LRBA: variants seen among roughly 807,000 people sequenced by gnomAD.
LRBA encodes lipopolysaccharide-responsive and beige-like anchor protein.
LRBA carries 176 observed loss-of-function variants against 330.0 expected under a neutral mutation model. The observed-to-expected ratio is 0.53, with a 90% confidence interval of 0.47 to 0.60. The LOEUF is 0.60. LRBA is among the 20% of genes least tolerant of loss of function. LRBA has a pLI of 0.00. For synonymous variants in LRBA, 1,230 were observed against 1,193.0 expected, an observed-to-expected ratio of 1.03 and a Z score of -0.64; for missense variants, 3,259 against 3,444.8, an observed-to-expected ratio of 0.95 and a Z score of 1.35.
At chr4:150,294,457 C>T (rs923425951) in intron 53 of LRBA, among the ~76,000 whole-genome samples, 3 of 152,258 alleles carry the variant, frequency 2.0e-5, no homozygotes, top group Admixed American at 6.5e-5. Context: ...TTCCATAATT[C>T]TAGTAAGGAG....
intron 40 of LRBA, among the ~76,000 whole-genome samples, chr4:150,546,736 A>G (rs1379890224): frequency 6.6e-6 from 1 of 152,216 alleles, no homozygotes; most frequent in Admixed American, 6.5e-5. Context: ...AATTGTTTTA[A>G]AAAATGACGA....
chr4:150,871,720 T>C (rs1358975952), intron 18 of LRBA, among the ~76,000 whole-genome samples: 1 of 151,620 alleles, frequency 6.6e-6, no homozygotes, highest in Non-Finnish European at 1.5e-5. Flanking sequence ...AAAAACCTCC[T>C]CCAAAATCTT....
chr4:150,900,973 A>G (rs570428232), intron 13 of LRBA, among the ~76,000 whole-genome samples: 179 of 152,236 alleles, frequency 1.2e-3, no homozygotes, highest in Non-Finnish European at 1.8e-3. Context: ...GAAATAATAC[A>G]AGTGCTACCC....
At chr4:150,874,140 C>T (rs1380861126) in intron 17 of LRBA, among the ~76,000 whole-genome samples, 1 of 152,088 alleles carries the variant, frequency 6.6e-6, no homozygotes, top group Non-Finnish European at 1.5e-5. Flanking sequence ...GATTTGAGGG[C>T]TTTAGCATTT....
intron 36 of LRBA, among the ~76,000 whole-genome samples, chr4:150,725,101 C>A (rs992790760): frequency 1.3e-4 from 20 of 151,600 alleles, no homozygotes; most frequent in African/African-American, 4.8e-4. Flanking sequence ...AGCATGCCTA[C>A]AAAATCAGAA....
At chr4:150,802,512 G>C (rs1250229278) in intron 33 of LRBA, among the ~76,000 whole-genome samples, 1 of 151,750 alleles carries the variant, frequency 6.6e-6, no homozygotes, top group Non-Finnish European at 1.5e-5. Context: ...ATAATTGTAA[G>C]ACATAATTTA....
intron 29 of LRBA, 47 bp downstream of exon 29, chr4:150,831,770 A>T: frequency 7.0e-7 from 1 of 1,423,612 alleles, no homozygotes; most frequent in East Asian, 2.5e-5. Flanking sequence ...AAAGTAAGTA[A>T]CATTTATTTG....
chr4:150,273,794 AC>A (rs2126723046), intron 56 of LRBA, among the ~76,000 whole-genome samples: 1 of 152,334 alleles, frequency 6.6e-6, no homozygotes, highest in African/African-American at 2.4e-5. Flanking sequence ...ATACAGGAGC[AC>A]CCAGATTCAT....
intron 30 of LRBA, among the ~76,000 whole-genome samples, chr4:150,826,852 A>G (rs1236876077): frequency 6.6e-6 from 1 of 152,202 alleles, no homozygotes; most frequent in Non-Finnish European, 1.5e-5. Context: ...GAAAGTCTAG[A>G]AGGATTATAC....
At chr4:150,867,904 A>C in intron 21 of LRBA, 41 bp from the exon 22 acceptor site, 2 of 1,461,836 alleles carry the variant, frequency 1.4e-6, no homozygotes, top group Non-Finnish European at 1.9e-6. Flanking sequence ...GAAGAAAAAA[A>C]AATTATCTAA....
chr4:150,644,257 T>C (rs1422266349), intron 37 of LRBA, among the ~76,000 whole-genome samples: 4 of 151,942 alleles, frequency 2.6e-5, no homozygotes, highest in Admixed American at 6.6e-5. Context: ...AAAGCACTCA[T>C]TATAATATTG....
At chr4:150,519,159 TA>T (rs1197127224) in intron 40 of LRBA, among the ~76,000 whole-genome samples, 1 of 152,180 alleles carries the variant, frequency 6.6e-6, no homozygotes, top group Non-Finnish European at 1.5e-5. Flanking sequence ...ATTTAAGAAT[TA>T]AAATAAGAGA....
intron 34 of LRBA, among the ~76,000 whole-genome samples, chr4:150,780,936 G>A (rs910824065): frequency 7.9e-5 from 12 of 152,062 alleles, no homozygotes; most frequent in Non-Finnish European, 1.5e-4. Flanking sequence ...CTGGAGTGCA[G>A]TGGCACCAGC....
At chr4:150,578,964 C>T (rs955785616) in intron 40 of LRBA, 11 of 278,852 alleles carry the variant, frequency 3.9e-5, no homozygotes, top group African/African-American at 2.2e-4. Context: ...TGTCCTGCAG[C>T]CTCCCTAATG....
chr4:150,588,215 T>C, intron 39 of LRBA, 31 bp from the exon 40 acceptor site: 1 of 1,553,692 alleles, frequency 6.4e-7, no homozygotes, highest in Non-Finnish European at 8.7e-7. Flanking sequence ...GCCACACAAG[T>C]TGGAATGACA....
intron 47 of LRBA, among the ~76,000 whole-genome samples, chr4:150,401,257 C>T (rs1361293152): frequency 6.6e-6 from 1 of 152,240 alleles, no homozygotes; most frequent in African/African-American, 2.4e-5. Context: ...GCCTCCAGTA[C>T]TGTCAGACAA....
At chr4:150,374,130 A>C (rs1027160048) in intron 47 of LRBA, among the ~76,000 whole-genome samples, 2 of 152,190 alleles carry the variant, frequency 1.3e-5, no homozygotes, top group Non-Finnish European at 2.9e-5. Flanking sequence ...ACACTCCATG[A>C]AAACTTCCAA....
intron 35 of LRBA, among the ~76,000 whole-genome samples, chr4:150,747,748 C>T (rs564234604): frequency 5.2e-4 from 79 of 152,296 alleles, no homozygotes; most frequent in Admixed American, 2.4e-3. Context: ...CTACATCCTC[C>T]GCTGCACTAC....
At chr4:150,610,531 G>C (rs1319199827) in intron 37 of LRBA, among the ~76,000 whole-genome samples, 1 of 152,158 alleles carries the variant, frequency 6.6e-6, no homozygotes, top group African/African-American at 2.4e-5. Context: ...AGAGGTTGCA[G>C]TGAGCTGAGA....
Sources: allele counts gnomAD v4.1 joint callset (sites outside exome capture counted in the v4.1 genomes callset), GRCh38; gene constraint gnomAD v4.1.1; transcripts MANE v1.5; gene names NCBI Gene and HGNC (gene_info 2026-07-23, HGNC 2026-07-21).